FAM228B: variants seen among roughly 807,000 people sequenced by gnomAD.
The protein encoded by FAM228B is family with sequence similarity 228 member B, also known as protein FAM228B.
In FAM228B, 38 loss-of-function variants were observed where a neutral mutation model predicts 42.6. The ratio of observed to expected loss-of-function variants is 0.89; its 90% CI spans 0.69 to 1.17. The LOEUF is 1.17. Ranked by LOEUF, FAM228B falls within the 50% of genes most tolerant of loss-of-function variation. The pLI is 0.00. For synonymous variants in FAM228B, 109 were observed against 122.3 expected, an observed-to-expected ratio of 0.89 and a Z score of 0.72; for missense variants, 344 against 367.3, an observed-to-expected ratio of 0.94 and a Z score of 0.52.
intron 3 of FAM228B, among the ~76,000 whole-genome samples, chr2:24,099,593 A>G (rs1370729004): frequency 1.3e-5 from 2 of 151,842 alleles, no homozygotes; most frequent in South Asian, 4.1e-4. Flanking sequence ...GGAGAACTAC[A>G]AACCACTGCT....
intron 8 of FAM228B, among the ~76,000 whole-genome samples, chr2:24,162,175 GA>G (rs907095077): frequency 2.6e-5 from 4 of 151,830 alleles, no homozygotes; most frequent in Admixed American, 2.0e-4. Flanking sequence ...CACAGAAATG[GA>G]AAAAAAATTG....
upstream of FAM228B, chr2:24,121,026 T>C: frequency 8.6e-7 from 1 of 1,161,762 alleles, no homozygotes; most frequent in East Asian, 2.4e-5. Flanking sequence ...TTCCTGGCAC[T>C]AGACTGCTAT....
At chr2:24,089,047 A>G (rs943925385) in intron 2 of FAM228B, among the ~76,000 whole-genome samples, 1 of 152,206 alleles carries the variant, frequency 6.6e-6, no homozygotes, top group South Asian at 2.1e-4. Flanking sequence ...AATGTATCCA[A>G]TTATGAAAGT....
chr2:24,114,850 A>G (rs1665863798), intron 3 of FAM228B, among the ~76,000 whole-genome samples: 1 of 152,210 alleles, frequency 6.6e-6, no homozygotes, highest in Admixed American at 6.5e-5. Flanking sequence ...GGAAGGGTGC[A>G]TTTAGTGACC....
intron 2 of FAM228B, among the ~76,000 whole-genome samples, chr2:24,093,171 A>G (rs184026815): frequency 6.6e-6 from 1 of 152,184 alleles, no homozygotes; most frequent in African/African-American, 2.4e-5. Flanking sequence ...TCTGGGATAC[A>G]TGTGTTGAAG....
chr2:24,091,463 A>G (rs1247235160), intron 2 of FAM228B, among the ~76,000 whole-genome samples: 1 of 152,138 alleles, frequency 6.6e-6, no homozygotes, highest in African/African-American at 2.4e-5. Flanking sequence ...ACAAACAAAT[A>G]CAAAAAACCA....
chr2:24,139,488 T>A (rs1666697599), intron 5 of FAM228B, 38 bp downstream of exon 5: 1 of 1,308,418 alleles, frequency 7.6e-7, no homozygotes, highest in African/African-American at 1.5e-5. Flanking sequence ...TGGTATTATG[T>A]GTTTGGTTGT....
intron 7 of FAM228B, among the ~76,000 whole-genome samples, chr2:24,149,966 C>T (rs775486099): frequency 9.2e-5 from 14 of 152,134 alleles, no homozygotes; most frequent in African/African-American, 1.4e-4. Flanking sequence ...CATATACAAA[C>T]GCACAAAAAG....
intron 1 of FAM228B, chr2:24,079,205 A>T: frequency 1.9e-6 from 1 of 515,112 alleles, no homozygotes; most frequent in South Asian, 2.8e-5. Flanking sequence ...TCATTCTGTT[A>T]GAATGTTCAG....
At chr2:24,130,838 A>G (rs1026809818) in intron 2 of FAM228B, among the ~76,000 whole-genome samples, 2 of 152,088 alleles carry the variant, frequency 1.3e-5, no homozygotes, top group East Asian at 1.9e-4. Context: ...TTTTGTTGCA[A>G]TTGCTTTTGG....
At position 24,080,971 on chromosome 2, in the gene FAM228B, G is replaced by C; in HGVS notation, c.-210+16G>C. 6.2e-7 allele frequency: 1 copy of C among 1,614,182 alleles called. No homozygotes were observed. The highest frequency in any genetic ancestry group is 8.5e-7 in the Non-Finnish European group (1 of 1,180,042). ...AGCCATCCGGGTGAGTTGGATAGCA[G>C]CTGTGCCCACACCACTCAGTCCTGC... On this transcript the variant is annotated intron_variant, in intron 2 of 10. Transcript: ENST00000613899. This position sits in a 1 kb window ranked among gnomAD's most constrained non-coding sequence, Gnocchi z 4.7.
At chr2:24,127,757 G>T (rs2151014186) in intron 2 of FAM228B, among the ~76,000 whole-genome samples, 1 of 152,014 alleles carries the variant, frequency 6.6e-6, no homozygotes, top group Admixed American at 6.5e-5. Context: ...CCGCCTCCCG[G>T]GTTCAAGCAA....
Position 24,169,271 on chromosome 2 carries a change from A to G in FAM228B, c.*15-85A>G. 2.4e-6 allele frequency: 1 copy of G among 416,544 alleles called. No individual in the cohort carries two copies. The highest frequency in any genetic ancestry group is 5.4e-6 in the Non-Finnish European group (1 of 186,372). 25.8% of individuals were successfully genotyped at this position (416,544 alleles called of 1,614,324 possible). A position where few individuals can be genotyped will look rare whatever the true frequency, so the allele number is the denominator to read the frequency against. On this transcript the variant is annotated intron_variant, in intron 10 of 10. Transcript: ENST00000615575. The surrounding 1 kb of genome is among the most constrained non-coding windows in gnomAD (Gnocchi z 4.2). ...GGACAGGCTTCAGGGGGATCAGCTCAGCTTAGCTGGGGAACGCTTTCTGCT... is the reference window on the plus strand; with the variant it reads ...GGACAGGCTTCAGGGGGATCAGCTCGGCTTAGCTGGGGAACGCTTTCTGCT...
intron 5 of FAM228B, among the ~76,000 whole-genome samples, chr2:24,144,065 C>T (rs976379424): frequency 1.3e-5 from 2 of 151,824 alleles, no homozygotes; most frequent in Non-Finnish European, 2.9e-5. Context: ...TGTGTAAGTG[C>T]TTGTCAGTAG....
chr2:24,125,158 C>T (rs765489460), intron 2 of FAM228B, among the ~76,000 whole-genome samples: 1 of 152,164 alleles, frequency 6.6e-6, no homozygotes, highest in African/African-American at 2.4e-5. Context: ...GGGAGGGTCG[C>T]TTGAGCCCAG....
At chr2:24,145,623 A>G (rs1046786669) in intron 5 of FAM228B, among the ~76,000 whole-genome samples, 2 of 152,188 alleles carry the variant, frequency 1.3e-5, no homozygotes, top group Non-Finnish European at 1.5e-5. Flanking sequence ...GCAGAGTCCA[A>G]TGTCATTTAA....
rs574438111 is a variant in FAM228B at position 24,127,802 on chromosome 2, A to G, written c.99+3342A>G. Among the ~76,000 whole-genome samples the G allele has an allele frequency of 2.6e-5, 4 of 152,132 alleles. No individual in the cohort carries two copies. In the East Asian group the frequency reaches 7.7e-4, roughly 29 times the overall value. On this transcript the variant is annotated intron_variant, in intron 2 of 10. Coordinates refer to ENST00000615575, the MANE Select transcript of FAM228B (RefSeq NM_001145710.2). ...CTAAGCCTCCCGAGTAGCTGGGATT[A>G]CAGATGTGCACCACCATGCCCAGCT...
At chr2:24,132,464 GTTTTTTTT>G (rs548264853) in intron 2 of FAM228B, among the ~76,000 whole-genome samples, 5 of 56,006 alleles carry the variant, frequency 8.9e-5, no homozygotes, top group South Asian at 6.7e-4. Flanking sequence ...TCCTGGGATT[GTTTTTTTT>G]TTTTTTTTTT....
chr2:24,089,436 AT>A (rs1476566932), intron 2 of FAM228B, among the ~76,000 whole-genome samples: 1 of 152,068 alleles, frequency 6.6e-6, no homozygotes, highest in African/African-American at 2.4e-5. Flanking sequence ...AAAAAGGAAG[AT>A]TTTTTTAGCA....
Sources: gnomAD v4.1 joint callset for allele counts (sites outside exome capture counted in the v4.1 genomes callset) on GRCh38, gnomAD v4.1.1 for gene constraint, Gnocchi (gnomAD v3.1) non-coding constraint, MANE v1.5 for transcripts, NCBI Gene and HGNC (gene_info 2026-07-23, HGNC 2026-07-21) for gene names.